Variants in NBAS observed in about 807,000 individuals in gnomAD.
The protein encoded by NBAS is NAG/BC035112 fusion.
Under a neutral mutation model 302.5 loss-of-function variants are expected in NBAS, and 219 were observed. The observed-to-expected ratio is 0.72, with a 90% confidence interval of 0.65 to 0.81. The LOEUF (loss-of-function observed/expected upper bound fraction) is 0.81. Ranked by LOEUF, NBAS falls within the 30% of genes least tolerant of loss-of-function variation. The pLI, the probability that NBAS is intolerant of heterozygous loss-of-function variation, is 0.00. For synonymous variants in NBAS, 1,118 were observed against 1,021.6 expected, an observed-to-expected ratio of 1.09 and a Z score of -1.80; for missense variants, 2,932 against 2,841.6, an observed-to-expected ratio of 1.03 and a Z score of -0.72.
At chr2:14,891,045 G>A in the NBAS span, among the ~76,000 whole-genome samples, 1 of 152,192 alleles carries the variant, frequency 6.6e-6, no homozygotes, top group Admixed American at 6.5e-5. Flanking sequence ...GTTAGTCCCA[G>A]AGAGATTTGA....
At chr2:14,802,918 T>C in the NBAS span, among the ~76,000 whole-genome samples, 6 of 138,776 alleles carry the variant, frequency 4.3e-5, no homozygotes, top group South Asian at 2.5e-4. Context: ...AGGGATAGCA[T>C]TGGGAGATAT....
the NBAS span, among the ~76,000 whole-genome samples, chr2:14,911,854 G>A: frequency 1 from 152,346 of 152,346 alleles, 76,173 homozygotes; most frequent in Non-Finnish European, 1. Flanking sequence ...AATAGGGACA[G>A]TGACACTACC....
the NBAS span, among the ~76,000 whole-genome samples, chr2:15,092,678 C>T: frequency 6.6e-6 from 1 of 152,188 alleles, no homozygotes; most frequent in African/African-American, 2.4e-5. Context: ...CCAGCCAGAA[C>T]TTCCTCCAGT....
the NBAS span, among the ~76,000 whole-genome samples, chr2:14,964,129 C>T: frequency 2.0e-5 from 3 of 152,146 alleles, no homozygotes; most frequent in Non-Finnish European, 4.4e-5. Context: ...ATTTACAATG[C>T]CTGGCATCCA....
At chr2:15,153,470 A>G in the NBAS span, among the ~76,000 whole-genome samples, 1 of 152,230 alleles carries the variant, frequency 6.6e-6, no homozygotes, top group Non-Finnish European at 1.5e-5. Context: ...TTTTCAAACA[A>G]TCAGAGCTGT....
chr2:15,062,612 G>A, the NBAS span, among the ~76,000 whole-genome samples: 1 of 152,208 alleles, frequency 6.6e-6, no homozygotes, highest in South Asian at 2.1e-4. Context: ...GGAAATTATA[G>A]AGAGTGGTGA....
intron 12 of NBAS, among the ~76,000 whole-genome samples, chr2:15,482,216 G>A (rs572816809): frequency 6.6e-6 from 1 of 152,018 alleles, no homozygotes; most frequent in Non-Finnish European, 1.5e-5. Flanking sequence ...CTACAACCTC[G>A]ACCTCCTGGG....
chr2:15,041,208 A>G, the NBAS span, among the ~76,000 whole-genome samples: 1 of 152,224 alleles, frequency 6.6e-6, no homozygotes, highest in African/African-American at 2.4e-5. Flanking sequence ...GTCCACATTT[A>G]TGGAGGCAGG....
intron 30 of NBAS, among the ~76,000 whole-genome samples, chr2:15,378,083 T>C (rs1674839021): frequency 6.6e-6 from 1 of 152,196 alleles, no homozygotes; most frequent in Non-Finnish European, 1.5e-5. Context: ...ATAGCCACCT[T>C]ATTACTGAAG....
At chr2:14,946,055 G>C in the NBAS span, among the ~76,000 whole-genome samples, 1 of 152,192 alleles carries the variant, frequency 6.6e-6, no homozygotes, top group East Asian at 1.9e-4. Context: ...CTGGGTGACA[G>C]AGCAAGACTC....
the NBAS span, among the ~76,000 whole-genome samples, chr2:15,047,768 G>A: frequency 1.3e-5 from 2 of 152,264 alleles, no homozygotes; most frequent in Non-Finnish European, 2.9e-5. Context: ...CCATAGGAGA[G>A]AACACGAACA....
At chr2:15,541,134 A>G (rs1382076408) in intron 6 of NBAS, among the ~76,000 whole-genome samples, 1 of 152,034 alleles carries the variant, frequency 6.6e-6, no homozygotes, top group Non-Finnish European at 1.5e-5. Flanking sequence ...ACCCTTGAAA[A>G]CTGGCTGCTC....
At chr2:15,318,903 T>C (rs1189016696) in intron 38 of NBAS, among the ~76,000 whole-genome samples, 2 of 152,162 alleles carry the variant, frequency 1.3e-5, no homozygotes, top group South Asian at 2.1e-4. Context: ...GCAGACCTAA[T>C]AGACATCTAC....
chr2:15,316,576 C>G (rs4668896), intron 38 of NBAS, among the ~76,000 whole-genome samples: 40,867 of 152,218 alleles, frequency 0.27, 6,085 homozygotes, highest in East Asian at 0.6. Context: ...GATTCTCTCA[C>G]CTGCCTGGCT....
chr2:14,818,019 T>C, the NBAS span, among the ~76,000 whole-genome samples: 237 of 152,194 alleles, frequency 1.6e-3, no homozygotes, highest in African/African-American at 4.6e-3. Flanking sequence ...ACCCACTGCT[T>C]TTCCCACCCA....
intron 38 of NBAS, among the ~76,000 whole-genome samples, chr2:15,327,141 T>C (rs1351582972): frequency 6.6e-6 from 1 of 152,194 alleles, no homozygotes; most frequent in Admixed American, 6.5e-5. Flanking sequence ...TCTTCCTCGC[T>C]GACATCTGAA....
chr2:14,787,211 G>A, the NBAS span, among the ~76,000 whole-genome samples: 1 of 152,080 alleles, frequency 6.6e-6, no homozygotes, highest in East Asian at 1.9e-4. Flanking sequence ...GAGCCTACAT[G>A]TGTCTCTGCA....
At chr2:15,122,082 A>G in the NBAS span, among the ~76,000 whole-genome samples, 1,152 of 152,238 alleles carry the variant, frequency 7.6e-3, 14 homozygotes, top group Middle Eastern at 0.034. Context: ...AAAAGGAAGA[A>G]AGAGGAGGTG....
At chr2:15,442,643 A>G (rs1394491488) in intron 21 of NBAS, among the ~76,000 whole-genome samples, 8 of 151,854 alleles carry the variant, frequency 5.3e-5, no homozygotes, top group Non-Finnish European at 1.0e-4. Flanking sequence ...GGCAAGAAAT[A>G]ACTAAAATCA....
Sources: gnomAD v4.1 joint callset for allele counts (sites outside exome capture counted in the v4.1 genomes callset) on GRCh38, gnomAD v4.1.1 for gene constraint, MANE v1.5 for transcripts, NCBI Gene and HGNC (gene_info 2026-07-23, HGNC 2026-07-21) for gene names.